The following SH3PXD2A variants were observed in gnomAD, a reference collection of about 807,000 sequenced individuals.
The protein encoded by SH3PXD2A is SH3 and PX domain-containing protein 2A.
A neutral mutation model predicts 115.2 loss-of-function variants in SH3PXD2A; 32 were observed. That is an observed-to-expected ratio of 0.28 (90% CI 0.21 to 0.37). The LOEUF (loss-of-function observed/expected upper bound fraction) is 0.37. Ranked by LOEUF, SH3PXD2A falls within the 10% of genes least tolerant of loss-of-function variation. The pLI is 1.00. For missense variants in SH3PXD2A, 1,328 were observed against 1,498.7 expected, an observed-to-expected ratio of 0.89 and a Z score of 1.88; for synonymous variants, 610 against 629.1, an observed-to-expected ratio of 0.97 and a Z score of 0.45.
chr10:103,613,216 T>C, intron 11 of SH3PXD2A, 26 bp from the exon 12 acceptor site: 1 of 1,540,084 alleles, frequency 6.5e-7, no homozygotes, highest in South Asian at 1.3e-5. Flanking sequence ...GGATGTGCTA[T>C]CATTAGAGCA....
At chr10:103,678,000 C>T (rs1592296673) in intron 6 of SH3PXD2A, 16 of 682,024 alleles carry the variant, frequency 2.3e-5, no homozygotes, top group East Asian at 6.5e-5. Flanking sequence ...TGCAGGCCTC[C>T]GAGCCTGCAG....
At chr10:103,768,822 G>A (rs975446055) in intron 2 of SH3PXD2A, among the ~76,000 whole-genome samples, 1 of 152,138 alleles carries the variant, frequency 6.6e-6, no homozygotes, top group Non-Finnish European at 1.5e-5. Context: ...ATCTTATTTA[G>A]CTTGGCTCAC....
At chr10:103,646,984 T>C (rs537802033) in intron 8 of SH3PXD2A, among the ~76,000 whole-genome samples, 83 of 125,104 alleles carry the variant, frequency 6.6e-4, no homozygotes, top group African/African-American at 2.6e-3. Flanking sequence ...CTCCATGGGG[T>C]CCTCCAACCA....
chr10:103,642,097 G>T (rs2036963922), intron 8 of SH3PXD2A, among the ~76,000 whole-genome samples: 1 of 150,826 alleles, frequency 6.6e-6, no homozygotes, highest in African/African-American at 2.4e-5. Context: ...AAAATTGTAA[G>T]TCACACCATC....
chr10:103,606,432 TAAAAAAA>T (rs533450822), intron 13 of SH3PXD2A, among the ~76,000 whole-genome samples: 1 of 8,148 alleles, frequency 1.2e-4, no homozygotes, highest in East Asian at 4.3e-3. Flanking sequence ...AAGAATTTGC[TAAAAAAA>T]AAAAAAAAAA....
intron 2 of SH3PXD2A, among the ~76,000 whole-genome samples, chr10:103,779,327 G>A (rs1282249558): frequency 6.6e-6 from 1 of 152,204 alleles, no homozygotes; most frequent in Non-Finnish European, 1.5e-5. Context: ...CTGGCATGAG[G>A]CGCCGTGCGG....
At chr10:103,698,060 G>A (rs2037845900) in intron 5 of SH3PXD2A, among the ~76,000 whole-genome samples, 1 of 152,184 alleles carries the variant, frequency 6.6e-6, no homozygotes, top group South Asian at 2.1e-4. Context: ...AAGGGGCCAC[G>A]CTGAGGCCCA....
chr10:103,607,394 G>A (rs1190489934), intron 13 of SH3PXD2A, among the ~76,000 whole-genome samples: 3 of 151,708 alleles, frequency 2.0e-5, no homozygotes, highest in African/African-American at 7.3e-5. Flanking sequence ...ACCCCGTCCG[G>A]GAGGGAGGTG....
chr10:103,828,007 A>G (rs2039447231), intron 1 of SH3PXD2A, among the ~76,000 whole-genome samples: 1 of 152,206 alleles, frequency 6.6e-6, no homozygotes. Context: ...GCAGAATTAC[A>G]GCTCGGTAAA....
chr10:103,701,852 C>A (rs940669926), intron 5 of SH3PXD2A, among the ~76,000 whole-genome samples: 3 of 150,412 alleles, frequency 2.0e-5, no homozygotes, highest in Non-Finnish European at 4.4e-5. Context: ...TATCCATCCA[C>A]CATCCATTTA....
intron 13 of SH3PXD2A, among the ~76,000 whole-genome samples, chr10:103,606,147 G>A (rs908785871): frequency 1.3e-5 from 2 of 151,406 alleles, no homozygotes; most frequent in African/African-American, 4.9e-5. Flanking sequence ...AGACTTGTCT[G>A]AGCTATCAAA....
intron 2 of SH3PXD2A, among the ~76,000 whole-genome samples, chr10:103,769,181 T>TGCGCGC (rs139822501): frequency 3.2e-4 from 36 of 113,002 alleles, no homozygotes; most frequent in African/African-American, 1.0e-3. Flanking sequence ...TGTGTGTGTG[T>TGCGCGC]GCGCGCGCGC....
Position 103,629,813 on chromosome 10 carries a change from T to C in SH3PXD2A, c.605-2611A>G, listed in dbSNP as rs530967652. Among the ~76,000 whole-genome samples the C allele has an allele frequency of 7.9e-5, 12 of 152,318 alleles. No individual in the cohort carries two copies. The South Asian group carries it at 2.3e-3, about 29-fold the overall frequency. The stretch of plus-strand genomic sequence containing the variant: ...GTCTCCATGAGAATGCCCAACAACC[T>C]TTCCCTGTCTACCCTTTACAGAGAC... On this transcript the variant is annotated intron_variant, in intron 8 of 14. Transcript: ENST00000369774.
At chr10:103,819,462 G>A (rs1380215138) in intron 1 of SH3PXD2A, among the ~76,000 whole-genome samples, 1 of 152,170 alleles carries the variant, frequency 6.6e-6, no homozygotes, top group Non-Finnish European at 1.5e-5. Context: ...AGTTCCCTGG[G>A]AGAGCCAGGG....
At chr10:103,659,273 G>C (rs1012194555) in intron 8 of SH3PXD2A, among the ~76,000 whole-genome samples, 1 of 152,188 alleles carries the variant, frequency 6.6e-6, no homozygotes, top group African/African-American at 2.4e-5. Flanking sequence ...CAAAGACATG[G>C]GGGCTCACTA....
At chr10:103,608,500 AG>A (rs2036372744) in intron 13 of SH3PXD2A, 1 of 150,820 alleles carries the variant, frequency 6.6e-6, no homozygotes, top group Non-Finnish European at 1.5e-5. Context: ...TTTACAGATT[AG>A]GGATAAAATT....
chr10:103,736,899 GTAGCCACAGGA>G, intron 3 of SH3PXD2A: 1 of 653,064 alleles, frequency 1.5e-6, no homozygotes, highest in Non-Finnish European at 2.4e-6. Context: ...AGCAACAAAG[GTAGCCACAGGA>G]TGCAGCCTAG....
intron 5 of SH3PXD2A, among the ~76,000 whole-genome samples, chr10:103,708,526 G>A (rs1032628665): frequency 1.3e-5 from 2 of 152,112 alleles, no homozygotes; most frequent in African/African-American, 2.4e-5. Flanking sequence ...AGGGAAAAGG[G>A]GTGCATGAAT....
At chr10:103,845,645 T>C (rs2134323329) in intron 1 of SH3PXD2A, among the ~76,000 whole-genome samples, 1 of 152,314 alleles carries the variant, frequency 6.6e-6, no homozygotes, top group South Asian at 2.1e-4. Flanking sequence ...GCCATTCTTT[T>C]ATTCCTTTAC....
Sources: gnomAD v4.1 joint callset for allele counts (sites outside exome capture counted in the v4.1 genomes callset) on GRCh38, gnomAD v4.1.1 for gene constraint, MANE v1.5 for transcripts, NCBI Gene and HGNC (gene_info 2026-07-23, HGNC 2026-07-21) for gene names.